ITPR1: variants seen among roughly 807,000 people sequenced by gnomAD.
ITPR1 encodes the protein inositol 1,4,5-trisphosphate receptor type 1.
A neutral mutation model predicts 318.4 loss-of-function variants in ITPR1; 96 were observed. The observed-to-expected ratio is 0.30, with a 90% confidence interval of 0.26 to 0.36. ITPR1 has a LOEUF of 0.36. Among genes scored for constraint, ITPR1 ranks in the 10% least tolerant of loss-of-function variants. ITPR1 has a pLI of 1.00. For missense variants in ITPR1, 2,440 were observed against 3,460.2 expected (o/e 0.71, Z 7.40); for synonymous variants, 1,312 against 1,289.9 (o/e 1.02, Z -0.37).
intron 4 of ITPR1, among the ~76,000 whole-genome samples, chr3:4,521,326 G>A (rs949440111): frequency 1.3e-5 from 2 of 152,138 alleles, no homozygotes; most frequent in Non-Finnish European, 2.9e-5. Context: ...AATATGTGTT[G>A]ACAAGTGCTA....
chr3:4,765,572 C>T (rs1036751430), intron 44 of ITPR1, among the ~76,000 whole-genome samples: 4 of 152,110 alleles, frequency 2.6e-5, no homozygotes, highest in Non-Finnish European at 4.4e-5. Context: ...CTAGGACTGC[C>T]TTCTGTAGGG....
chr3:4,676,531 T>A (rs1375427159), intron 23 of ITPR1, 83 bp from the exon 24 acceptor site: 1 of 995,300 alleles, frequency 1.0e-6, no homozygotes, highest in African/African-American at 1.6e-5. Flanking sequence ...ATAATTTCTC[T>A]CAAAGAGCCC....
chr3:4,780,364 GT>G (rs1425066652), intron 49 of ITPR1, among the ~76,000 whole-genome samples: 1 of 152,140 alleles, frequency 6.6e-6, no homozygotes, highest in Non-Finnish European at 1.5e-5. Context: ...GGTTGCTGAC[GT>G]TTGGATTTTT....
chr3:4,642,694 G>T (rs1046844279), intron 7 of ITPR1, among the ~76,000 whole-genome samples: 3 of 152,316 alleles, frequency 2.0e-5, no homozygotes, highest in African/African-American at 2.4e-5. Flanking sequence ...TTGCTGTGTC[G>T]AGAAGCCGGC....
In ITPR1 at chr3:4,675,175, A is replaced by G. The variant is rs1215844866; in HGVS notation, c.2706A>G (p.Thr902=). Residue 902 remains threonine (T), a synonymous_variant, in exon 23 of 62, where the codon ACA becomes ACG. Transcript: ENST00000649015. ...LLAILDCVHV[T]TIFPISKMAK... ...CCATATTGGACTGTGTACATGTGACAACAATCTTCCCCATTAGCAAGATGG... is the reference window on the plus strand; with the variant it reads ...CCATATTGGACTGTGTACATGTGACGACAATCTTCCCCATTAGCAAGATGG... The G allele has an allele frequency of 6.2e-7, 1 of 1,612,380 alleles. No individual in the cohort carries two copies. Among genetic ancestry groups the G allele is most frequent in the Admixed American group, 1.7e-5 (1 of 59,788 alleles).
intron 44 of ITPR1, among the ~76,000 whole-genome samples, chr3:4,742,897 T>A (rs1412847986): frequency 6.6e-6 from 1 of 152,264 alleles, no homozygotes; most frequent in African/African-American, 2.4e-5. Flanking sequence ...ACGCTCTGTC[T>A]TATGTTATTT....
At position 4,803,542 on chromosome 3, in the gene ITPR1, A is replaced by G. The variant is rs542192273; in HGVS notation, c.7108-2561A>G. Among the ~76,000 whole-genome samples, 6 of 152,312 alleles carry G rather than the reference A, an allele frequency of 3.9e-5. No homozygotes were observed. In the South Asian group the frequency reaches 1.2e-3, roughly 32 times the overall value. On this transcript the variant is annotated intron_variant, in intron 54 of 61. Transcript: ENST00000649015. ...GTTAACGTGAGCTGCGGCATTTGGAAATACATGACCAGAACTACAGAGAGA... is the reference window on the plus strand; with the variant it reads ...GTTAACGTGAGCTGCGGCATTTGGAGATACATGACCAGAACTACAGAGAGA...
At chr3:4,711,267 T>G (rs946683171) in intron 38 of ITPR1, among the ~76,000 whole-genome samples, 1 of 151,876 alleles carries the variant, frequency 6.6e-6, no homozygotes, top group Non-Finnish European at 1.5e-5. Context: ...GTTGTTTGTT[T>G]AGCTTGGGGC....
In ITPR1 at chr3:4,769,870, CT is replaced by C. The variant is rs528586502; in HGVS notation, c.5979+1108del. 5.3e-5 allele frequency among the ~76,000 whole-genome samples: 8 copies of C among 152,348 alleles called. No individual in the cohort carries two copies. In the South Asian group the frequency reaches 1.7e-3, roughly 32 times the overall value. ...ATGGATCGTAGAGATCCGCTTCTTT[CT>C]TCCGAATGGGTCTGGATCTGCGGAG... On this transcript the variant is annotated intron_variant, in intron 46 of 61. Coordinates refer to ENST00000649015, the MANE Select transcript of ITPR1 (RefSeq NM_001378452.1).
rs1349024958 is a variant in ITPR1, at chr3:4,727,252, G to C, written c.5220+79G>C. 1.3e-5 allele frequency: 13 copies of C among 1,008,588 alleles called. No individual in the cohort carries two copies. The Admixed American group carries it at 2.8e-4, about 21-fold the overall frequency. The allele number at this position is 1,008,588 out of a possible 1,614,324, so 62.5% of individuals were successfully genotyped here. On this transcript the variant is annotated intron_variant, in intron 42 of 61. Coordinates refer to ENST00000649015, the MANE Select transcript of ITPR1 (RefSeq NM_001378452.1). ...CCTCCATCAGCCACACACTGTGATT[G>C]AGAGACAGCTTTTGTTGTTGATATT...
chr3:4,558,419 C>T (rs1167614809), intron 4 of ITPR1, among the ~76,000 whole-genome samples: 1 of 151,932 alleles, frequency 6.6e-6, no homozygotes, highest in East Asian at 1.9e-4. Context: ...AATTACAAAG[C>T]TCGTGGTTAT....
chr3:4,716,716 C>G (rs2041790126), intron 39 of ITPR1, among the ~76,000 whole-genome samples: 2 of 152,162 alleles, frequency 1.3e-5, no homozygotes, highest in Admixed American at 6.5e-5. Flanking sequence ...TCCAACTATC[C>G]TTAAACAAGC....
intron 46 of ITPR1, among the ~76,000 whole-genome samples, chr3:4,769,274 C>T (rs536066652): frequency 2.0e-5 from 3 of 152,134 alleles, no homozygotes; most frequent in South Asian, 2.1e-4. Flanking sequence ...TCCCTGCTGT[C>T]TCCAGAGACC....
chr3:4,497,809 A>C (rs1406130200), intron 2 of ITPR1, among the ~76,000 whole-genome samples: 3 of 128,444 alleles, frequency 2.3e-5, no homozygotes, highest in African/African-American at 6.1e-5. Flanking sequence ...AAACAACACA[A>C]GTCTACTGAT....
intron 37 of ITPR1, among the ~76,000 whole-genome samples, chr3:4,707,149 G>A (rs1388270597): frequency 6.6e-6 from 1 of 152,212 alleles, no homozygotes; most frequent in Admixed American, 6.5e-5. Context: ...CACCTACCTC[G>A]TGGGGTTGAT....
At chr3:4,768,805 A>G in intron 46 of ITPR1, 41 bp downstream of exon 46, 1 of 1,572,434 alleles carries the variant, frequency 6.4e-7, no homozygotes, top group Non-Finnish European at 8.7e-7. Context: ...AGCTCGGGAA[A>G]GGCTGCCAAG....
At chr3:4,717,063 G>A (rs906905107) in intron 39 of ITPR1, among the ~76,000 whole-genome samples, 2 of 152,194 alleles carry the variant, frequency 1.3e-5, no homozygotes, top group Admixed American at 6.5e-5. Flanking sequence ...CTCCCAGCTC[G>A]GTTCATGTTT....
At chr3:4,766,418 C>G in intron 44 of ITPR1, 112 bp from the exon 45 acceptor site, 1 of 787,898 alleles carries the variant, frequency 1.3e-6, no homozygotes, top group Non-Finnish European at 2.1e-6. Context: ...AAACTTAGAT[C>G]ATGCGTGAGG....
intron 44 of ITPR1, among the ~76,000 whole-genome samples, chr3:4,758,890 G>A (rs2045224922): frequency 6.6e-6 from 1 of 152,216 alleles, no homozygotes; most frequent in African/African-American, 2.4e-5. Context: ...AGCATCACAT[G>A]GAAGCTGGGG....
Sources: allele counts gnomAD v4.1 joint callset (sites outside exome capture counted in the v4.1 genomes callset), GRCh38; gene constraint gnomAD v4.1.1; transcripts MANE v1.5; gene names NCBI Gene and HGNC (gene_info 2026-07-23, HGNC 2026-07-21).